NCAM1: variants seen among roughly 807,000 people sequenced by gnomAD.
The protein encoded by NCAM1 is neural cell adhesion molecule 1.
In NCAM1, 14 loss-of-function variants were observed where a neutral mutation model predicts 109.8. The ratio of observed to expected loss-of-function variants is 0.13; its 90% CI spans 0.08 to 0.20. The LOEUF is 0.20. Ranked by LOEUF, NCAM1 falls within the 10% of genes least tolerant of loss-of-function variation. The pLI, the probability that NCAM1 is intolerant of heterozygous loss-of-function variation, is 1.00. For synonymous variants in NCAM1, 418 were observed against 442.9 expected (o/e 0.94, Z 0.70); for missense variants, 774 against 1,109.9 (o/e 0.70, Z 4.30).
chr11:113,207,436 G>T, intron 6 of NCAM1, 58 bp downstream of exon 6: 2 of 1,402,472 alleles, frequency 1.4e-6, no homozygotes, highest in Non-Finnish European at 2.0e-6. Flanking sequence ...GCATCACAAA[G>T]TCTGCTCCAT....
intron 1 of NCAM1, among the ~76,000 whole-genome samples, chr11:113,043,440 G>C (rs533777616): frequency 1.3e-5 from 2 of 152,096 alleles, no homozygotes; most frequent in East Asian, 1.9e-4. Flanking sequence ...CCATTCAAGC[G>C]ATTCTCCTGC....
chr11:113,029,143 G>T (rs1161915916), intron 1 of NCAM1, among the ~76,000 whole-genome samples: 1 of 152,150 alleles, frequency 6.6e-6, no homozygotes, highest in African/African-American at 2.4e-5. Flanking sequence ...GTCAGTCAGT[G>T]GTAATATCCT....
At chr11:113,055,805 A>G (rs1326941354) in intron 1 of NCAM1, among the ~76,000 whole-genome samples, 3 of 151,726 alleles carry the variant, frequency 2.0e-5, no homozygotes, top group Non-Finnish European at 2.9e-5. Flanking sequence ...AACTAAAAAT[A>G]GAACTACCAC....
intron 1 of NCAM1, among the ~76,000 whole-genome samples, chr11:112,982,125 A>T (rs1951170042): frequency 6.6e-6 from 1 of 151,866 alleles, no homozygotes; most frequent in African/African-American, 2.4e-5. Flanking sequence ...GATTAACCAA[A>T]ATGCAAATCT....
intron 1 of NCAM1, among the ~76,000 whole-genome samples, chr11:113,077,701 T>C (rs1378734916): frequency 1.3e-5 from 2 of 151,936 alleles, no homozygotes; most frequent in Non-Finnish European, 2.9e-5. Context: ...TTTTTTTTTT[T>C]TTGAGACGGA....
chr11:113,004,432 C>T (rs1951840320), intron 1 of NCAM1, among the ~76,000 whole-genome samples: 1 of 151,836 alleles, frequency 6.6e-6, no homozygotes. Flanking sequence ...GCGGAGGTTG[C>T]AGTGAGCCGA....
chr11:113,112,430 G>C (rs952509885), intron 1 of NCAM1, among the ~76,000 whole-genome samples: 1 of 152,104 alleles, frequency 6.6e-6, no homozygotes, highest in Non-Finnish European at 1.5e-5. Flanking sequence ...TATTACCTCT[G>C]TTTCAAAAAT....
intron 1 of NCAM1, among the ~76,000 whole-genome samples, chr11:113,132,657 C>CG (rs1180055618): frequency 3.7e-5 from 5 of 136,158 alleles, no homozygotes; most frequent in African/African-American, 1.5e-4. Context: ...TGTGTCAGAG[C>CG]GGGGGTGGGG....
intron 1 of NCAM1, among the ~76,000 whole-genome samples, chr11:113,048,747 A>G (rs1591281401): frequency 6.6e-6 from 1 of 152,238 alleles, no homozygotes; most frequent in Non-Finnish European, 1.5e-5. Flanking sequence ...CAGTGATCTC[A>G]GACAAGGTGC....
chr11:113,081,005 C>G (rs1249137201), intron 1 of NCAM1, among the ~76,000 whole-genome samples: 1 of 152,186 alleles, frequency 6.6e-6, no homozygotes, highest in Non-Finnish European at 1.5e-5. Context: ...ATCATACTTT[C>G]TGACATTTAT....
At chr11:113,065,962 A>G (rs1937932699) in intron 1 of NCAM1, among the ~76,000 whole-genome samples, 1 of 152,172 alleles carries the variant, frequency 6.6e-6, no homozygotes, top group Admixed American at 6.5e-5. Context: ...ACAATCTAAA[A>G]CTGTTTTAAA....
At chr11:113,225,986 T>C (rs1944832943) in intron 9 of NCAM1, among the ~76,000 whole-genome samples, 1 of 152,058 alleles carries the variant, frequency 6.6e-6, no homozygotes, top group Non-Finnish European at 1.5e-5. Context: ...ACATGCCAAA[T>C]CGTAAAGACC....
chr11:113,004,674 T>C (rs1224397665), intron 1 of NCAM1, among the ~76,000 whole-genome samples: 1 of 152,132 alleles, frequency 6.6e-6, no homozygotes, highest in Non-Finnish European at 1.5e-5. Context: ...TTTCAGTATC[T>C]TTTTTCTATC....
chr11:113,236,551 A>ATT (rs1555118336), intron 14 of NCAM1, among the ~76,000 whole-genome samples: 1 of 152,068 alleles, frequency 6.6e-6, no homozygotes, highest in African/African-American at 2.4e-5. Context: ...GTCTTTGGAA[A>ATT]TTGTGCTTAT....
chr11:113,220,155 T>C (rs1455652893), intron 8 of NCAM1, among the ~76,000 whole-genome samples: 1 of 152,158 alleles, frequency 6.6e-6, no homozygotes, highest in Admixed American at 6.5e-5. Flanking sequence ...GAAAAACAGA[T>C]AAACTGTAAG....
chr11:113,263,577 C>G, intron 17 of NCAM1: 1 of 985,622 alleles, frequency 1.0e-6, no homozygotes, highest in Non-Finnish European at 1.2e-6. Context: ...TTTCAGTCCT[C>G]GTATTACGGC....
At chr11:113,236,412 G>A in intron 14 of NCAM1, 1 of 1,335,224 alleles carries the variant, frequency 7.5e-7, no homozygotes. Context: ...TTGTCCCCTA[G>A]AGGCTGAAGT....
At chr11:113,250,517 T>C (rs1429416786) in intron 15 of NCAM1, among the ~76,000 whole-genome samples, 2 of 152,226 alleles carry the variant, frequency 1.3e-5, no homozygotes, top group African/African-American at 2.4e-5. Flanking sequence ...AGCTAAATCA[T>C]ACATTTTGGA....
At chr11:113,260,620 A>C (rs1332597807) in intron 17 of NCAM1, among the ~76,000 whole-genome samples, 1 of 152,184 alleles carries the variant, frequency 6.6e-6, no homozygotes, top group Admixed American at 6.5e-5. Context: ...CCCCAGCTCC[A>C]GCCTAGCCTT....
Sources: gnomAD v4.1 joint callset for allele counts (sites outside exome capture counted in the v4.1 genomes callset) on GRCh38, gnomAD v4.1.1 for gene constraint, MANE v1.5 for transcripts, NCBI Gene and HGNC (gene_info 2026-07-23, HGNC 2026-07-21) for gene names.